RCOR1: variants seen among roughly 807,000 people sequenced by gnomAD.
RCOR1 encodes the protein REST corepressor.
A neutral mutation model predicts 64.0 loss-of-function variants in RCOR1; 12 were observed. The observed-to-expected ratio is 0.19, with a 90% CI of 0.12 to 0.30. The LOEUF is 0.30. Among genes scored for constraint, RCOR1 ranks in the 10% least tolerant of loss-of-function variants. The pLI is 1.00. For synonymous variants in RCOR1, 279 were observed against 227.2 expected, an observed-to-expected ratio of 1.23 and a Z score of -2.05; for missense variants, 502 against 621.2, an observed-to-expected ratio of 0.81 and a Z score of 2.04.
chr14:102,663,181 G>A (rs1357054459), intron 2 of RCOR1, among the ~76,000 whole-genome samples: 2 of 152,136 alleles, frequency 1.3e-5, no homozygotes, highest in African/African-American at 2.4e-5. Context: ...TGCCATCCAC[G>A]TAAGACTGAG....
chr14:102,632,884 C>A (rs1412650669), intron 2 of RCOR1, among the ~76,000 whole-genome samples: 1 of 150,584 alleles, frequency 6.6e-6, no homozygotes, highest in African/African-American at 2.5e-5. Flanking sequence ...TGATTATAGC[C>A]CCCTGCAGCC....
chr14:102,660,652 C>A (rs1336356978), intron 2 of RCOR1, among the ~76,000 whole-genome samples: 2 of 152,154 alleles, frequency 1.3e-5, no homozygotes, highest in Non-Finnish European at 2.9e-5. Context: ...GAGATGTGAA[C>A]CACTGTGCCC....
At chr14:102,598,450 T>C (rs1893312869) in intron 2 of RCOR1, among the ~76,000 whole-genome samples, 1 of 149,088 alleles carries the variant, frequency 6.7e-6, no homozygotes, top group Non-Finnish European at 1.5e-5. Context: ...TTCAGTTCTT[T>C]TTTTTTTTTT....
rs997468536 is a variant in RCOR1 at position 102,592,722 on chromosome 14, C to G, written c.-165C>G. On this transcript the variant is annotated 5_prime_UTR_variant, in exon 1 of 12. Coordinates refer to ENST00000262241, the MANE Select transcript of RCOR1 (RefSeq NM_015156.4). ...TCGTCGCTGGGGGCTTGAAGCGGCT[C>G]CGCGCTCTGCCCGTTTGGGCCTCCC... 8.2e-7 allele frequency: 1 copy of G among 1,225,556 alleles called. No homozygotes were observed. Among genetic ancestry groups the G allele is most frequent in the Non-Finnish European group, 1.0e-6 (1 of 984,042 alleles). 75.9% of individuals were successfully genotyped at this position (1,225,556 alleles called of 1,614,324 possible).
At chr14:102,719,205 C>G (rs1410356013) in intron 8 of RCOR1, among the ~76,000 whole-genome samples, 1 of 152,158 alleles carries the variant, frequency 6.6e-6, no homozygotes, top group African/African-American at 2.4e-5. Flanking sequence ...ACCTCAGCCT[C>G]GCAAGTAGTT....
At chr14:102,635,265 C>A (rs561894432) in intron 2 of RCOR1, among the ~76,000 whole-genome samples, 2 of 152,098 alleles carry the variant, frequency 1.3e-5, no homozygotes, top group Admixed American at 1.3e-4. Context: ...GCACTTTGGG[C>A]GGCCCAGGCG....
At chr14:102,694,200 G>A (rs1895597648) in intron 3 of RCOR1, among the ~76,000 whole-genome samples, 2 of 152,098 alleles carry the variant, frequency 1.3e-5, no homozygotes, top group African/African-American at 4.8e-5. Context: ...ATTGGGGTTG[G>A]AGACTGACTT....
In RCOR1 at chr14:102,714,429, C is replaced by G. The variant is rs754236368; in HGVS notation, c.865C>G (p.Pro289Ala). Residue 289 changes from proline (P) to alanine (A), a missense_variant, in exon 8 of 12, where the codon CCT (proline) becomes GCT (alanine). Physicochemically the swap from Pro to Ala is conservative, Grantham distance 27. Around this residue, in one of 2 missense-constraint regions of RCOR1, gnomAD observed 260 missense variants for 416.4 expected, o/e 0.62. Transcript: ENST00000262241. ...QNKESKKEVP[P>A]TETVPQVKKE... ...ACCTGTGTATATCATGCAGGTTCCCCCTACTGAGACAGTTCCTCAGGTCAA... is the reference window on the plus strand; with the variant it reads ...ACCTGTGTATATCATGCAGGTTCCCGCTACTGAGACAGTTCCTCAGGTCAA... 31 of 1,602,282 alleles carry G rather than the reference C, an allele frequency of 1.9e-5. No homozygotes were observed. Among genetic ancestry groups the G allele is most frequent in the Non-Finnish European group, 2.4e-5 (28 of 1,173,178 alleles).
intron 2 of RCOR1, among the ~76,000 whole-genome samples, chr14:102,596,641 T>G (rs1284705712): frequency 1.3e-5 from 2 of 151,998 alleles, no homozygotes; most frequent in Non-Finnish European, 2.9e-5. Context: ...CTTGGCTCAC[T>G]GCAACCTCCA....
At chr14:102,724,242 C>A (rs76555463) in intron 11 of RCOR1, among the ~76,000 whole-genome samples, 2,469 of 152,238 alleles carry the variant, frequency 0.016, 58 homozygotes, top group African/African-American at 0.057. Flanking sequence ...TATTATCTAA[C>A]TCGTGTTTAG....
intron 2 of RCOR1, among the ~76,000 whole-genome samples, chr14:102,625,040 AAG>A (rs79558402): frequency 6.6e-6 from 1 of 151,644 alleles, no homozygotes; most frequent in Non-Finnish European, 1.5e-5. Context: ...CTAATTAAAA[AAG>A]AAAAATTATT....
At chr14:102,721,401 G>T (rs761074578) in intron 10 of RCOR1, 24 bp downstream of exon 10, 4 of 1,589,316 alleles carry the variant, frequency 2.5e-6, no homozygotes, top group Non-Finnish European at 2.6e-6. Context: ...CTTCTAAAGA[G>T]TTTAGGAGGC....
Position 102,726,597 on chromosome 14 carries a change from T to A in RCOR1, c.*91T>A. 1 of 1,097,852 alleles carries A rather than the reference T, an allele frequency of 9.1e-7. No homozygotes were observed. The allele number at this position is 1,097,852 out of a possible 1,614,324, so 68.0% of individuals were successfully genotyped here. A position where few individuals can be genotyped will look rare whatever the true frequency, so the allele number is the denominator to read the frequency against. ...ACATCACCTAGCCATCTGCATCACA[T>A]CTCTCTGGACAAGCAGCTATTACCA... On this transcript the variant is annotated 3_prime_UTR_variant, in exon 12 of 12. Coordinates refer to ENST00000262241, the MANE Select transcript of RCOR1 (RefSeq NM_015156.4).
intron 2 of RCOR1, among the ~76,000 whole-genome samples, chr14:102,637,786 C>T (rs1040791023): frequency 6.6e-5 from 10 of 152,006 alleles, no homozygotes; most frequent in African/African-American, 9.7e-5. Context: ...TTAGTTTTTT[C>T]GGTGATGTCA....
In RCOR1 at chr14:102,592,712, T is replaced by A; in HGVS notation, c.-175T>A. On this transcript the variant is annotated 5_prime_UTR_variant, in exon 1 of 12. The change abolishes the stop of an existing upstream ORF in the 5' untranslated region. Transcript: ENST00000262241. ...TGCGCTCGGCTCGTCGCTGGGGGCT[T>A]GAAGCGGCTCCGCGCTCTGCCCGTT... is the stretch of plus-strand genomic sequence containing the variant. The A allele has an allele frequency of 8.2e-7, 1 of 1,225,960 alleles. No individual in the cohort carries two copies. Among genetic ancestry groups the A allele is most frequent in the Non-Finnish European group, 1.0e-6 (1 of 984,386 alleles). 75.9% of individuals were successfully genotyped at this position (1,225,960 alleles called of 1,614,324 possible).
At chr14:102,700,822 G>GT (rs149337495) in intron 3 of RCOR1, among the ~76,000 whole-genome samples, 3,211 of 152,324 alleles carry the variant, frequency 0.021, 112 homozygotes, top group African/African-American at 0.074. Context: ...CAGGACAAGT[G>GT]TATTAGTCCG....
chr14:102,593,030 C>G lies in RCOR1; in HGVS notation c.144C>G (p.Gly48=), dbSNP rs1893163577. The G allele has an allele frequency of 2.4e-6, 3 of 1,265,810 alleles. No homozygotes were observed. Among genetic ancestry groups the G allele is most frequent in the South Asian group, 5.2e-5 (2 of 38,704 alleles). The allele number at this position is 1,265,810 out of a possible 1,614,324, so 78.4% of individuals were successfully genotyped here. A position where few individuals can be genotyped will look rare whatever the true frequency, so the allele number is the denominator to read the frequency against. ...CASPAATAAS[G]AAASSASAAA... is the part of the protein sequence containing the mutation. ...CGCCAGCCGCCACTGCCGCCTCGGGCGCCGCCGCCTCCTCAGCCTCGGCCG... is the reference window on the plus strand; with the variant it reads ...CGCCAGCCGCCACTGCCGCCTCGGGGGCCGCCGCCTCCTCAGCCTCGGCCG... Residue 48 remains glycine (G), a synonymous_variant, in exon 1 of 12, where the codon GGC becomes GGG. Coordinates refer to ENST00000262241, the MANE Select transcript of RCOR1 (RefSeq NM_015156.4).
chr14:102,628,720 A>G (rs927707067), intron 2 of RCOR1, among the ~76,000 whole-genome samples: 1 of 151,948 alleles, frequency 6.6e-6, no homozygotes, highest in Admixed American at 6.6e-5. Flanking sequence ...TGCCCGGCCA[A>G]TTTTTGTATT....
At chr14:102,661,881 C>G (rs1031906985) in intron 2 of RCOR1, among the ~76,000 whole-genome samples, 2 of 152,124 alleles carry the variant, frequency 1.3e-5, no homozygotes, top group Non-Finnish European at 2.9e-5. Flanking sequence ...CTCAGCAACC[C>G]AAGTAGCTGG....
Sources: allele counts gnomAD v4.1 joint callset (sites outside exome capture counted in the v4.1 genomes callset), GRCh38; gene constraint gnomAD v4.1.1; regional missense constraint gnomAD v4.1.1; transcripts MANE v1.5; gene names NCBI Gene and HGNC (gene_info 2026-07-23, HGNC 2026-07-21).